Variants in GOLM1 observed in about 807,000 individuals in gnomAD.
The protein encoded by GOLM1 is golgi membrane protein 1, also known as epididymis luminal protein 46.
A neutral mutation model predicts 50.5 loss-of-function variants in GOLM1; 31 were observed. The observed-to-expected ratio is 0.61, with a 90% CI of 0.46 to 0.83. The LOEUF is 0.83. Among genes scored for constraint, GOLM1 ranks in the 40% least tolerant of loss-of-function variants. The pLI, the probability that GOLM1 is intolerant of heterozygous loss-of-function variation, is 0.00. For synonymous variants in GOLM1, 178 were observed against 192.8 expected (o/e 0.92, Z 0.64); for missense variants, 491 against 501.3 (o/e 0.98, Z 0.20).
chr9:86,037,452 A>G (rs1329260439), intron 6 of GOLM1, among the ~76,000 whole-genome samples: 3 of 151,998 alleles, frequency 2.0e-5, no homozygotes, highest in Non-Finnish European at 1.5e-5. Flanking sequence ...AAAAAAAAAA[A>G]AAAAAAGAAA....
chr9:86,099,870 C>A (rs1234838213), upstream of GOLM1, among the ~76,000 whole-genome samples: 4 of 152,182 alleles, frequency 2.6e-5, no homozygotes, highest in Admixed American at 2.6e-4. Context: ...CTGGGGGGAG[C>A]CCCCATCCCA....
chr9:86,073,222 GAAA>G (rs954087943), intron 3 of GOLM1, among the ~76,000 whole-genome samples: 1 of 140,174 alleles, frequency 7.1e-6, no homozygotes, highest in Non-Finnish European at 1.6e-5. Context: ...TGGAAGTTTA[GAAA>G]AAAAAAAAAG....
intron 3 of GOLM1, among the ~76,000 whole-genome samples, chr9:86,065,390 A>G (rs888699522): frequency 1.3e-5 from 2 of 152,248 alleles, no homozygotes; most frequent in Non-Finnish European, 2.9e-5. Flanking sequence ...AAGCTGCTCT[A>G]GAACTCTGGA....
At chr9:86,035,290 G>A in intron 8 of GOLM1, 78 bp downstream of exon 8, 1 of 1,562,718 alleles carries the variant, frequency 6.4e-7, no homozygotes, top group Non-Finnish European at 8.7e-7. Flanking sequence ...TGATATGTTG[G>A]TGCTGGGAAG....
intron 1 of GOLM1, among the ~76,000 whole-genome samples, chr9:86,090,304 C>G (rs569814877): frequency 2.5e-4 from 38 of 152,292 alleles, no homozygotes; most frequent in African/African-American, 7.9e-4. Flanking sequence ...CTCTTCAGAG[C>G]TGGCAGGCAG....
chr9:86,077,617 C>T lies in GOLM1; in HGVS notation c.130-26G>A, dbSNP rs747493459. ...CTACAAGGAGACCGTGGCATTAGGG[C>T]TGATGCCAAGTTACCTGAGGAGCCT... On this transcript the variant is annotated intron_variant, in intron 2 of 9. Transcript: ENST00000388712. 27 of 1,588,554 alleles carry T rather than the reference C, an allele frequency of 1.7e-5. No homozygotes were observed. In the East Asian group the frequency reaches 6.0e-4, roughly 36 times the overall value.
At chr9:86,053,732 C>CACAACACGCCACACACCAT (rs1833895891) in intron 3 of GOLM1, among the ~76,000 whole-genome samples, 1 of 2,598 alleles carries the variant, frequency 3.8e-4, no homozygotes, top group African/African-American at 1.2e-3. Context: ...GACTGCTCCA[C>CACAACACGCCACACACCAT]TCCACACACA....
chr9:86,083,428 AG>A (rs1176261965), intron 1 of GOLM1, among the ~76,000 whole-genome samples: 2 of 152,182 alleles, frequency 1.3e-5, no homozygotes, highest in African/African-American at 4.8e-5. Flanking sequence ...TCTGTCACCC[AG>A]GCTAGAGTGC....
chr9:86,087,983 T>A (rs988859125), intron 1 of GOLM1, among the ~76,000 whole-genome samples: 19 of 152,214 alleles, frequency 1.2e-4, no homozygotes, highest in Admixed American at 1.3e-4. Context: ...TCCCTCTTTT[T>A]CTATTGTTTG....
At chr9:86,094,939 C>T (rs889607179) in intron 1 of GOLM1, among the ~76,000 whole-genome samples, 37 of 151,984 alleles carry the variant, frequency 2.4e-4, no homozygotes, top group African/African-American at 7.2e-4. Flanking sequence ...CAAAATTAGC[C>T]GGGCGTGGTG....
At chr9:86,086,218 A>T (rs1046545230) in intron 1 of GOLM1, among the ~76,000 whole-genome samples, 2 of 152,214 alleles carry the variant, frequency 1.3e-5, no homozygotes, top group Non-Finnish European at 2.9e-5. Flanking sequence ...TTCTCTAATG[A>T]CCAATGATGA....
chr9:86,083,184 G>A (rs1834838079), intron 1 of GOLM1, among the ~76,000 whole-genome samples: 2 of 152,162 alleles, frequency 1.3e-5, no homozygotes, highest in South Asian at 4.1e-4. Context: ...GGATGTTCAA[G>A]TCTCTTATAT....
chr9:86,030,218 C>CAAAAAAAAAAA (rs35215928), intron 9 of GOLM1, among the ~76,000 whole-genome samples: 2 of 73,436 alleles, frequency 2.7e-5, no homozygotes, highest in African/African-American at 5.5e-5. Flanking sequence ...GACTCTGTCT[C>CAAAAAAAAAAA]AAAAAAAAAA....
At chr9:86,059,412 A>G (rs1834088939) in intron 3 of GOLM1, among the ~76,000 whole-genome samples, 1 of 152,226 alleles carries the variant, frequency 6.6e-6, no homozygotes, top group East Asian at 1.9e-4. Flanking sequence ...GAGGCTTGGA[A>G]ACATTACACT....
chr9:86,070,311 T>A (rs188700127), intron 3 of GOLM1, among the ~76,000 whole-genome samples: 119 of 152,252 alleles, frequency 7.8e-4, no homozygotes, highest in African/African-American at 2.6e-3. Flanking sequence ...CAGTGGGTCA[T>A]GCCTCTAATC....
intron 5 of GOLM1, among the ~76,000 whole-genome samples, chr9:86,041,498 G>C (rs1254249981): frequency 1.3e-5 from 2 of 152,320 alleles, no homozygotes; most frequent in South Asian, 2.1e-4. Flanking sequence ...CTTTCTGGCT[G>C]GGGAGCCTAA....
At chr9:86,045,223 C>T (rs900946479) in intron 5 of GOLM1, among the ~76,000 whole-genome samples, 10 of 148,938 alleles carry the variant, frequency 6.7e-5, no homozygotes, top group South Asian at 2.2e-4. Context: ...TGGTGGTGGG[C>T]GCCTGTAGTC....
chr9:86,037,906 G>A (rs965843892), intron 6 of GOLM1, among the ~76,000 whole-genome samples: 2 of 151,976 alleles, frequency 1.3e-5, no homozygotes, highest in African/African-American at 4.8e-5. Flanking sequence ...TGTAATGCCA[G>A]TACTTTGGGA....
intron 1 of GOLM1, among the ~76,000 whole-genome samples, chr9:86,087,990 T>C (rs925227753): frequency 6.6e-6 from 1 of 152,134 alleles, no homozygotes; most frequent in Non-Finnish European, 1.5e-5. Flanking sequence ...TTTTCTATTG[T>C]TTGGAATAGT....
Sources: allele counts gnomAD v4.1 joint callset (sites outside exome capture counted in the v4.1 genomes callset), GRCh38; gene constraint gnomAD v4.1.1; transcripts MANE v1.5; gene names NCBI Gene and HGNC (gene_info 2026-07-23, HGNC 2026-07-21).